CREB3L2: variants seen among roughly 807,000 people sequenced by gnomAD.
The protein encoded by CREB3L2 is cAMP responsive element binding protein 3 like 2.
Under a neutral mutation model 57.2 loss-of-function variants are expected in CREB3L2, and 23 were observed. The observed-to-expected ratio is 0.40, with a 90% CI of 0.29 to 0.57. The LOEUF (loss-of-function observed/expected upper bound fraction) is 0.57, where lower values mean the gene tolerates loss of function less well. Ranked by LOEUF, CREB3L2 falls within the 20% of genes least tolerant of loss-of-function variation. The pLI is 0.42. For missense variants in CREB3L2, 628 were observed against 634.7 expected (o/e 0.99, Z 0.11); for synonymous variants, 268 against 265.1 (o/e 1.01, Z -0.11).
chr7:137,907,529 G>C (rs1241222168), intron 5 of CREB3L2, among the ~76,000 whole-genome samples: 2 of 152,194 alleles, frequency 1.3e-5, no homozygotes, highest in African/African-American at 2.4e-5. Context: ...AATTTTCAAA[G>C]TTATGTTAAT....
chr7:137,899,738 T>G (rs58315460), intron 8 of CREB3L2, among the ~76,000 whole-genome samples: 2,020 of 152,334 alleles, frequency 0.013, 38 homozygotes, highest in African/African-American at 0.046. Flanking sequence ...TGCCCCTGAC[T>G]GCTATCTGAG....
chr7:137,946,302 C>T lies in CREB3L2; in HGVS notation c.103-17936G>A, dbSNP rs149719314. Among the ~76,000 whole-genome samples the T allele has an allele frequency of 4.3e-4, 65 of 151,970 alleles. No individual in the cohort carries two copies. The East Asian group carries it at 0.01, about 23-fold the overall frequency. ...TCAGTTGACTCTGAGTTCATCAAAA[C>T]GGAGATTATCCTGAGCGGGTCTGAT... On this transcript the variant is annotated intron_variant, in intron 1 of 11. Coordinates refer to ENST00000330387, the MANE Select transcript of CREB3L2 (RefSeq NM_194071.4).
rs1799122917 is a variant in CREB3L2 at position 137,875,254 on chromosome 7, C to T, written c.*5222G>A. ...CTAACTGTCAGCATAGACATTAAAGCTCACCGTTGATTATAGCTCAGGGCC... is the reference window on the plus strand; with the variant it reads ...CTAACTGTCAGCATAGACATTAAAGTTCACCGTTGATTATAGCTCAGGGCC... On this transcript the variant is annotated 3_prime_UTR_variant, in exon 12 of 12. Coordinates refer to ENST00000330387, the MANE Select transcript of CREB3L2 (RefSeq NM_194071.4). 4.6e-6 allele frequency: 1 copy of T among 219,448 alleles called. No homozygotes were observed. Among genetic ancestry groups the T allele is most frequent in the Non-Finnish European group, 9.2e-6 (1 of 109,168 alleles). The allele number at this position is 219,448 out of a possible 1,614,324, so 13.6% of individuals were successfully genotyped here.
chr7:137,980,061 C>G lies in CREB3L2; in HGVS notation c.102+21543G>C, dbSNP rs1801685939. ...CAAATTTTACATGCACATGGATCAT[C>G]TGGGGATCTTCAGATTATAATTCAG... is the stretch of plus-strand genomic sequence containing the variant. On this transcript the variant is annotated intron_variant, in intron 1 of 11. Transcript: ENST00000330387. This position sits in a 1 kb window ranked among gnomAD's most constrained non-coding sequence, Gnocchi z 4.3. Among the ~76,000 whole-genome samples the G allele has an allele frequency of 6.6e-6, 1 of 152,196 alleles. No individual in the cohort carries two copies. The highest frequency in any genetic ancestry group is 2.4e-5 in the African/African-American group (1 of 41,442).
At position 138,001,132 on chromosome 7, in the gene CREB3L2, C is replaced by T. The variant is rs2117342011; in HGVS notation, c.102+472G>A. ...ACACACACACACACACACACGTGTA[C>T]TTTTTAAAATATAAATATGAAAGAA... On this transcript the variant is annotated intron_variant, in intron 1 of 11. Coordinates refer to ENST00000330387, the MANE Select transcript of CREB3L2 (RefSeq NM_194071.4). This position sits in a 1 kb window ranked among gnomAD's most constrained non-coding sequence, Gnocchi z 4.2. Among the ~76,000 whole-genome samples the T allele has an allele frequency of 6.9e-6, 1 of 145,810 alleles. No individual in the cohort carries two copies. Among genetic ancestry groups the T allele is most frequent in the South Asian group, 2.2e-4 (1 of 4,472 alleles).
chr7:137,886,771 C>A (rs543665548), intron 8 of CREB3L2, among the ~76,000 whole-genome samples: 23 of 151,784 alleles, frequency 1.5e-4, no homozygotes, highest in Non-Finnish European at 3.2e-4. Flanking sequence ...GACAACTGTG[C>A]CTCTCCTTAA....
At chr7:137,925,591 T>C (rs1204695856) in intron 2 of CREB3L2, among the ~76,000 whole-genome samples, 1 of 152,210 alleles carries the variant, frequency 6.6e-6, no homozygotes, top group East Asian at 1.9e-4. Context: ...GGAATACTTG[T>C]GGATTGATTC....
At chr7:137,950,032 TC>T (rs1801067221) in intron 1 of CREB3L2, among the ~76,000 whole-genome samples, 1 of 152,170 alleles carries the variant, frequency 6.6e-6, no homozygotes, top group Admixed American at 6.5e-5. Context: ...GTCATAATTA[TC>T]CCCATTAGAC....
intron 1 of CREB3L2, among the ~76,000 whole-genome samples, chr7:137,992,843 A>G (rs1028447735): frequency 6.6e-6 from 1 of 152,236 alleles, no homozygotes. Flanking sequence ...AGGTAAGGAC[A>G]GAGAAAAGAC....
chr7:137,964,589 C>T (rs1433056343), intron 1 of CREB3L2, among the ~76,000 whole-genome samples: 1 of 152,186 alleles, frequency 6.6e-6, no homozygotes, highest in African/African-American at 2.4e-5. Flanking sequence ...TGCACTCCCA[C>T]AAAGATGGGG....
intron 8 of CREB3L2, among the ~76,000 whole-genome samples, chr7:137,899,420 T>C (rs141484195): frequency 1.1e-3 from 169 of 152,292 alleles, no homozygotes; most frequent in African/African-American, 3.8e-3. Context: ...CACCCACCCA[T>C]GAACATGGGG....
At chr7:137,967,823 T>A (rs1334730736) in intron 1 of CREB3L2, among the ~76,000 whole-genome samples, 1 of 152,168 alleles carries the variant, frequency 6.6e-6, no homozygotes, top group East Asian at 1.9e-4. Flanking sequence ...TGCATGAACT[T>A]CCAACCATCA....
At chr7:137,966,451 G>A (rs895027728) in intron 1 of CREB3L2, among the ~76,000 whole-genome samples, 1 of 152,128 alleles carries the variant, frequency 6.6e-6, no homozygotes, top group Non-Finnish European at 1.5e-5. Flanking sequence ...CACTATCCTT[G>A]ATATGGAATT....
At chr7:137,955,792 T>C (rs1237934739) in intron 1 of CREB3L2, among the ~76,000 whole-genome samples, 2 of 152,192 alleles carry the variant, frequency 1.3e-5, no homozygotes, top group Admixed American at 6.5e-5. Flanking sequence ...ACACTAAGCA[T>C]GCGGGAGTTA....
intron 1 of CREB3L2, among the ~76,000 whole-genome samples, chr7:137,983,363 G>A (rs772370888): frequency 6.6e-6 from 1 of 152,222 alleles, no homozygotes; most frequent in African/African-American, 2.4e-5. Context: ...GTGGGGAAGG[G>A]AAGAGAGGAC....
chr7:137,915,792 T>G lies in CREB3L2; in HGVS notation c.495+45A>C, dbSNP rs756512830. Reference sequence around the variant, plus strand: ...TTATTGGAGAATGAGGATCTATCTGTATCTTTTAATCCAACCTGTTTAAAC... The same window carrying G: ...TTATTGGAGAATGAGGATCTATCTGGATCTTTTAATCCAACCTGTTTAAAC... On this transcript the variant is annotated intron_variant, in intron 3 of 11. Transcript: ENST00000330387. 5.9e-6 allele frequency: 9 copies of G among 1,536,464 alleles called. No individual in the cohort carries two copies. In the Admixed American group the frequency reaches 1.6e-4, roughly 28 times the overall value.
chr7:137,888,804 C>T (rs887530828), intron 8 of CREB3L2, among the ~76,000 whole-genome samples: 2 of 152,076 alleles, frequency 1.3e-5, no homozygotes, highest in Non-Finnish European at 2.9e-5. Flanking sequence ...CTGGGCACCT[C>T]AGTTTTCCAC....
At position 137,877,156 on chromosome 7, in the gene CREB3L2, C is replaced by G. The variant is rs570832680; in HGVS notation, c.*3320G>C. The G allele has an allele frequency of 1.5e-4, 33 of 227,266 alleles. No homozygotes were observed. The highest frequency in any genetic ancestry group is 2.8e-4 in the Non-Finnish European group (32 of 114,600). 14.1% of individuals were successfully genotyped at this position (227,266 alleles called of 1,614,324 possible). On this transcript the variant is annotated 3_prime_UTR_variant, in exon 12 of 12. Coordinates refer to ENST00000330387, the MANE Select transcript of CREB3L2 (RefSeq NM_194071.4). The stretch of plus-strand genomic sequence containing the variant: ...CAACTTTACGGGCACGTAAGATTCA[C>G]AAGCTGAACCAAGAGATTTAGGAAG...
At chr7:137,927,694 A>T (rs1800504063) in intron 2 of CREB3L2, among the ~76,000 whole-genome samples, 1 of 151,716 alleles carries the variant, frequency 6.6e-6, no homozygotes, top group Non-Finnish European at 1.5e-5. Context: ...GTCCACTAAG[A>T]TCTGGGGTGG....
Sources: allele counts gnomAD v4.1 joint callset (sites outside exome capture counted in the v4.1 genomes callset), GRCh38; gene constraint gnomAD v4.1.1; non-coding constraint Gnocchi (gnomAD v3.1); transcripts MANE v1.5; gene names NCBI Gene and HGNC (gene_info 2026-07-23, HGNC 2026-07-21).